Variants in LHX3 observed in about 807,000 individuals in gnomAD.
LHX3 encodes the protein LIM/homeobox protein Lhx3.
Under a neutral mutation model 32.4 loss-of-function variants are expected in LHX3, and 21 were observed. The observed-to-expected ratio is 0.65, with a 90% CI of 0.46 to 0.93. The LOEUF (loss-of-function observed/expected upper bound fraction) is 0.93. Among genes scored for constraint, LHX3 ranks in the 40% least tolerant of loss-of-function variants. The pLI, the probability that LHX3 is intolerant of heterozygous loss-of-function variation, is 0.00. For missense variants in LHX3, 626 were observed against 560.0 expected (o/e 1.12, Z -1.19); for synonymous variants, 258 against 246.8 (o/e 1.05, Z -0.43).
At position 136,198,942 on chromosome 9, in the gene LHX3, G is replaced by A. The variant is rs1441753402; in HGVS notation, c.572C>T (p.Ser191Leu). Residue 191 changes from serine (S) to leucine (L), a missense_variant, in exon 4 of 6, where the codon TCG (serine) becomes TTG (leucine). Physicochemically the swap from Ser to Leu is moderately radical, Grantham distance 145 (BLOSUM62 -2). Coordinates refer to ENST00000371748, the MANE Select transcript of LHX3 (RefSeq NM_178138.6). ...KPARHVREQL[S>L]SETGLDMRVV... ...GCGCATGTCCAGGCCCGTCTCGGAC[G>A]AGAGCTGCTCGCGCACGTGGCGCGC... 6.3e-7 allele frequency: 1 copy of A among 1,588,766 alleles called. No homozygotes were observed. The highest frequency in any genetic ancestry group is 8.5e-7 in the Non-Finnish European group (1 of 1,171,834).
Position 136,205,027 on chromosome 9 carries a change from C to G in LHX3, c.-15G>C. 6.4e-7 allele frequency: 1 copy of G among 1,564,922 alleles called. No individual in the cohort carries two copies. The highest frequency in any genetic ancestry group is 8.6e-7 in the Non-Finnish European group (1 of 1,160,904). ...TCCAGCAGCATCGCGGCCACCAGGC[C>G]GAGTGGCGCGAGACGCGCTCCTCCT... On this transcript the variant is annotated 5_prime_UTR_variant, in exon 1 of 6. Coordinates refer to ENST00000371748, the MANE Select transcript of LHX3 (RefSeq NM_178138.6).
Position 136,197,703 on chromosome 9 carries a change from G to C in LHX3, c.816C>G (p.Leu272=), listed in dbSNP as rs888655715. The C allele has an allele frequency of 1.2e-6, 2 of 1,606,262 alleles. No individual in the cohort carries two copies. The highest frequency in any genetic ancestry group is 8.5e-7 in the Non-Finnish European group (1 of 1,179,800). ...GGGTGGGTTCCCCCAAGCTCCCGTA[G>C]AGGCCATTGGCCGGGCCCATTTCCG... The part of the protein sequence containing the change: ...SLAEMGPANG[L]YGSLGEPTQA... Residue 272 remains leucine (L), a synonymous_variant, in exon 6 of 6, where the codon CTC becomes CTG. Coordinates refer to ENST00000371748, the MANE Select transcript of LHX3 (RefSeq NM_178138.6).
rs530525517 is a variant in LHX3, at chr9:136,197,588, G to C, written c.931C>G (p.Pro311Ala). The C allele has an allele frequency of 1.9e-5, 29 of 1,540,500 alleles. No homozygotes were observed. The African/African-American group carries it at 3.3e-4, about 17-fold the overall frequency. ...GGGGGGACACCGTAGGGGCTGCCGG[G>C]ACGCAGCTCTCGGTACTGCTCTGGG... is the stretch of plus-strand genomic sequence containing the variant. Reference protein sequence around the residue: ...AGPEQYRELRPGSPYGVPPSP... With the variant: ...AGPEQYRELRAGSPYGVPPSP... Residue 311 changes from proline to alanine, a missense_variant, in exon 6 of 6, where the codon CCC (proline) becomes GCC (alanine). By Grantham distance (27) the Pro-to-Ala change is conservative. Coordinates refer to ENST00000371748, the MANE Select transcript of LHX3 (RefSeq NM_178138.6).
At position 136,203,121 on chromosome 9, in the gene LHX3, C is replaced by T. The variant is rs886063706; in HGVS notation, c.79+1813G>A. The stretch of plus-strand genomic sequence containing the variant: ...ACGCCACCCCGCAATAGCCCCGAAC[C>T]GGCGTCCAAGCGACTCCGGGTGCTG... On this transcript the variant is annotated intron_variant, in intron 1 of 5. Coordinates refer to ENST00000371748, the MANE Select transcript of LHX3 (RefSeq NM_178138.6). 4.9e-5 allele frequency: 69 copies of T among 1,419,612 alleles called. No individual in the cohort carries two copies. The African/African-American group carries it at 7.1e-4, about 15-fold the overall frequency. 87.9% of individuals were successfully genotyped at this position (1,419,612 alleles called of 1,614,324 possible).
chr9:136,203,076 G>C, intron 1 of LHX3: 1 of 1,499,002 alleles, frequency 6.7e-7, no homozygotes, highest in South Asian at 1.2e-5. Flanking sequence ...CTCCAGTCCC[G>C]AACTTTCCCG....
Position 136,198,657 on chromosome 9 carries a change from A to T in LHX3, c.770T>A (p.Phe257Tyr). 6.3e-7 allele frequency: 1 copy of T among 1,593,592 alleles called. No individual in the cohort carries two copies. ...TCCGCGATCCCTCCGCCTACCGGGG[A>T]AGGAGACCTCAGCGTCGCTGTCCTG... ...EGQDSDAEVS[F>Y]PDEPSLAEMG... The change falls in exon 5 of 6, where the codon TTC becomes TAC. Residue 257 changes from phenylalanine to tyrosine, a missense_variant. Physicochemically the swap from Phe to Tyr is conservative, Grantham distance 22 (BLOSUM62 3). Coordinates refer to ENST00000371748, the MANE Select transcript of LHX3 (RefSeq NM_178138.6).
rs754515917 is a variant in LHX3 at position 136,204,928 on chromosome 9, G to T, written c.79+6C>A. 1.3e-6 allele frequency: 2 copies of T among 1,594,244 alleles called. No individual in the cohort carries two copies. Among genetic ancestry groups the T allele is most frequent in the Non-Finnish European group, 8.5e-7 (1 of 1,171,686 alleles). ...TTTCTGTCCTCAGTGTCCTGCTGGG[G>T]CTTACCCCGAGTCCCGCCCAAGGTG... On this transcript the variant is annotated splice_donor_region_variant and intron_variant, in intron 1 of 5. Transcript: ENST00000371748.
At chr9:136,200,266 A>G (rs575004000) in intron 2 of LHX3, 38 of 544,206 alleles carry the variant, frequency 7.0e-5, no homozygotes, top group Non-Finnish European at 1.1e-4. Flanking sequence ...CGGAGGAACT[A>G]AGTCCAGTAG....
At chr9:136,200,797 G>A (rs767355883) in intron 1 of LHX3, 44 bp from the exon 2 acceptor site, 16 of 1,609,092 alleles carry the variant, frequency 9.9e-6, no homozygotes, top group Non-Finnish European at 1.3e-5. Flanking sequence ...AGACCAGGAG[G>A]CAGTGAAGCC....
intron 1 of LHX3, chr9:136,201,135 A>T: frequency 7.2e-7 from 1 of 1,392,200 alleles, no homozygotes; most frequent in Non-Finnish European, 9.3e-7. Context: ...GCCCGGCAGG[A>T]AACATAGGGA....
At position 136,205,093 on chromosome 9, in the gene LHX3, G is replaced by T; in HGVS notation, c.-81C>A. The T allele has an allele frequency of 8.1e-7, 1 of 1,230,564 alleles. No individual in the cohort carries two copies. Among genetic ancestry groups the T allele is most frequent in the South Asian group, 1.4e-5 (1 of 71,020 alleles). 76.2% of individuals were successfully genotyped at this position (1,230,564 alleles called of 1,614,324 possible). On this transcript the variant is annotated 5_prime_UTR_variant, in exon 1 of 6. Transcript: ENST00000371748. ...GGAGGGTTCGGGGCTCCCAAGTCCC[G>T]CCGCGTCGTGCGGGGCAGGGAGCCC...
Position 136,196,437 on chromosome 9 carries a change from C to T in LHX3, c.*888G>A, listed in dbSNP as rs1831491679. On this transcript the variant is annotated 3_prime_UTR_variant, in exon 6 of 6. Coordinates refer to ENST00000371748, the MANE Select transcript of LHX3 (RefSeq NM_178138.6). ...CACAGCTGCGGGCATCTCCCAGAAA[C>T]TTCTTCCCAAAGGATCTGATGGAGG... is the stretch of plus-strand genomic sequence containing the variant. 6.6e-6 allele frequency: 1 copy of T among 152,594 alleles called. No homozygotes were observed. The highest frequency in any genetic ancestry group is 2.4e-5 in the African/African-American group (1 of 41,476). 9.5% of individuals were successfully genotyped at this position (152,594 alleles called of 1,614,324 possible). A position where few individuals can be genotyped will look rare whatever the true frequency, so the allele number is the denominator to read the frequency against.
At chr9:136,204,600 G>C (rs1431851135) in intron 1 of LHX3, among the ~76,000 whole-genome samples, 1 of 152,316 alleles carries the variant, frequency 6.6e-6, no homozygotes, top group East Asian at 1.9e-4. Context: ...CCAGAGACCT[G>C]GGCCGGGCTG....
intron 1 of LHX3, chr9:136,203,241 G>A (rs992604375): frequency 7.3e-5 from 45 of 617,036 alleles, no homozygotes; most frequent in Non-Finnish European, 8.4e-5. Context: ...GGCGGGGCGG[G>A]GCCGGGGGTC....
intron 2 of LHX3, chr9:136,200,233 A>G (rs1198399535): frequency 1.5e-5 from 8 of 549,060 alleles, no homozygotes; most frequent in Non-Finnish European, 2.3e-5. Flanking sequence ...TGCCAGCATT[A>G]GGAACTAAAA....
Position 136,197,360 on chromosome 9 carries a change from A to T in LHX3, c.1159T>A (p.Ser387Thr). 4.3e-6 allele frequency: 7 copies of T among 1,612,204 alleles called. No homozygotes were observed. The highest frequency in any genetic ancestry group is 5.9e-6 in the Non-Finnish European group (7 of 1,179,902). ...GYPDFPASPA[S>T]WLDEVDHAQF ...GCGTGGTCTACCTCATCCAGCCAGG[A>T]GGCGGGGCTGGCAGGGAAGTCGGGG... Residue 387 changes from serine (S) to threonine (T), a missense_variant, in exon 6 of 6, where the codon TCC (serine) becomes ACC (threonine). Coordinates refer to ENST00000371748, the MANE Select transcript of LHX3 (RefSeq NM_178138.6).
At chr9:136,199,596 T>A in intron 3 of LHX3, 82 bp downstream of exon 3, 1 of 1,469,238 alleles carries the variant, frequency 6.8e-7, no homozygotes, top group Non-Finnish European at 9.5e-7. Flanking sequence ...GGAGAGAATT[T>A]CCCCGGACGC....
chr9:136,198,824 G>A lies in LHX3; in HGVS notation c.607-4C>T. On this transcript the variant is annotated splice_polypyrimidine_tract_variant and splice_region_variant and intron_variant, in intron 4 of 5. Coordinates refer to ENST00000371748, the MANE Select transcript of LHX3 (RefSeq NM_178138.6). Reference sequence around the variant, plus strand: ...CCCGGCGGTTCTGGAACCAAACCTGGGGGCGGGGCGGGGTGAGCGGCCGCC... The same window carrying A: ...CCCGGCGGTTCTGGAACCAAACCTGAGGGCGGGGCGGGGTGAGCGGCCGCC... 1 of 1,603,728 alleles carries A rather than the reference G, an allele frequency of 6.2e-7. No homozygotes were observed.
chr9:136,200,442 C>T (rs1831612092), intron 2 of LHX3, 140 bp downstream of exon 2: 3 of 998,956 alleles, frequency 3.0e-6, no homozygotes, highest in South Asian at 1.4e-5. Context: ...CCACAGGGTG[C>T]CCTGCCTGGG....
Sources: allele counts gnomAD v4.1 joint callset (sites outside exome capture counted in the v4.1 genomes callset), GRCh38; gene constraint gnomAD v4.1.1; transcripts MANE v1.5; gene names NCBI Gene and HGNC (gene_info 2026-07-23, HGNC 2026-07-21).